The following EFHB variants were observed in gnomAD, a reference collection of about 807,000 sequenced individuals.
The protein encoded by EFHB is EF-hand domain-containing family member B.
A neutral mutation model predicts 87.2 loss-of-function variants in EFHB; 91 were observed. The ratio of observed to expected loss-of-function variants is 1.04; its 90% CI spans 0.88 to 1.24. The LOEUF (loss-of-function observed/expected upper bound fraction) is 1.24, where lower values mean the gene tolerates loss of function less well. Among genes scored for constraint, EFHB ranks in the 50% most tolerant of loss-of-function variants. EFHB has a pLI of 0.00. For synonymous variants in EFHB, 325 were observed against 333.6 expected, an observed-to-expected ratio of 0.97 and a Z score of 0.28; for missense variants, 1,084 against 998.8, an observed-to-expected ratio of 1.09 and a Z score of -1.15.
chr3:19,945,429 G>A (rs1696250413), intron 1 of EFHB, among the ~76,000 whole-genome samples: 1 of 152,192 alleles, frequency 6.6e-6, no homozygotes, highest in Non-Finnish European at 1.5e-5. Context: ...TGGACCAGGT[G>A]TTGGGATTAG....
At chr3:19,896,442 T>C (rs1694482988) in intron 9 of EFHB, 1 of 556,198 alleles carries the variant, frequency 1.8e-6, no homozygotes, top group Non-Finnish European at 3.2e-6. Flanking sequence ...GTAAATATTT[T>C]AGGTTTTGAA....
At chr3:19,927,529 T>G (rs566032587) in intron 1 of EFHB, among the ~76,000 whole-genome samples, 2 of 152,290 alleles carry the variant, frequency 1.3e-5, no homozygotes, top group South Asian at 4.1e-4. Flanking sequence ...AAACACCAAC[T>G]TTGGGCAGCA....
chr3:19,892,855 C>CTAAAAGAAAATAAAATAAAA (rs1694347063), intron 9 of EFHB, among the ~76,000 whole-genome samples: 1 of 136,922 alleles, frequency 7.3e-6, no homozygotes, highest in African/African-American at 3.2e-5. Context: ...AATCTCATCT[C>CTAAAAGAAAATAAAATAAAA]TAAAATAAAA....
Position 19,934,009 on chromosome 3 carries a change from C to G in EFHB, c.10G>C (p.Glu4Gln), listed in dbSNP as rs374524599. The change falls in exon 1 of 13, where the codon GAG (glutamate) becomes CAG (glutamine). Residue 4 changes from glutamate to glutamine, a missense_variant. By Grantham distance (29) the Glu-to-Gln change is conservative. Transcript: ENST00000295824. ...TTTCCTTCGTGGGGATGTCCAATCT[C>G]CATGTTCATGGACGATTTCTCCCCA... MNM[E>Q]IGHPHEGKDD... 1 of 1,601,836 alleles carries G rather than the reference C, an allele frequency of 6.2e-7. No homozygotes were observed. The highest frequency in any genetic ancestry group is 1.1e-5 in the South Asian group (1 of 89,802).
intron 6 of EFHB, among the ~76,000 whole-genome samples, chr3:19,902,644 G>T: frequency 6.6e-6 from 1 of 151,956 alleles, no homozygotes; most frequent in East Asian, 1.9e-4. Flanking sequence ...GAGCCACCAT[G>T]CCCAGCCAAT....
At position 19,933,382 on chromosome 3, in the gene EFHB, C is replaced by T; in HGVS notation, c.637G>A (p.Gly213Ser). Residue 213 changes from glycine (G) to serine (S), a missense_variant, in exon 1 of 13, where the codon GGC (glycine) becomes AGC (serine). Coordinates refer to ENST00000295824, the MANE Select transcript of EFHB (RefSeq NM_144715.4). ...DETKNTEPQMGLVIEPPQCQF... is the reference protein window; with the variant it reads ...DETKNTEPQMSLVIEPPQCQF... ...CATTGGGGAGGTTCTATCACCAAGC[C>T]CATTTGGGGCTCTGTATTCTTAGTC... The T allele has an allele frequency of 6.2e-7, 1 of 1,613,968 alleles. No individual in the cohort carries two copies. Among genetic ancestry groups the T allele is most frequent in the East Asian group, 2.2e-5 (1 of 44,878 alleles).
intron 9 of EFHB, among the ~76,000 whole-genome samples, chr3:19,892,124 T>C (rs914891270): frequency 1.3e-5 from 2 of 152,166 alleles, no homozygotes; most frequent in East Asian, 3.9e-4. Context: ...GTAGGGCCCA[T>C]AAAGTTAAGT....
chr3:19,879,671 A>T lies in EFHB; in HGVS notation c.2462T>A (p.Leu821Gln). 6 of 1,605,370 alleles carry T rather than the reference A, an allele frequency of 3.7e-6. No individual in the cohort carries two copies. The highest frequency in any genetic ancestry group is 5.1e-6 in the Non-Finnish European group (6 of 1,177,510). ...VENIRNVLDE[L>Q]RHADRIKCKT... The stretch of plus-strand genomic sequence containing the variant: ...ACACTTGATCCGGTCTGCATGCCGT[A>T]GCTCATCTAGAACATTTCTGATGTT... The change falls in exon 13 of 13, where the codon CTA (leucine) becomes CAA (glutamine). Residue 821 changes from leucine to glutamine, a missense_variant. Coordinates refer to ENST00000295824, the MANE Select transcript of EFHB (RefSeq NM_144715.4).
At position 19,888,302 on chromosome 3, in the gene EFHB, G is replaced by T. The variant is rs1001290013; in HGVS notation, c.1933+142C>A. The T allele has an allele frequency of 1.6e-4, 49 of 314,084 alleles. 1 individual carries two copies. The East Asian group carries it at 2.6e-3, about 17-fold the overall frequency. 19.5% of individuals were successfully genotyped at this position (314,084 alleles called of 1,614,324 possible). A position where few individuals can be genotyped will look rare whatever the true frequency, so the allele number is the denominator to read the frequency against. ...AGCACTTTGGGAGGCCAAAGCAAGA[G>T]AATCCCTTGAACCCAGGAGTTCAAG... On this transcript the variant is annotated intron_variant, in intron 10 of 12. Transcript: ENST00000295824.
Position 19,888,429 on chromosome 3 carries a change from T to G in EFHB, c.1933+15A>C. On this transcript the variant is annotated intron_variant, in intron 10 of 12. Transcript: ENST00000295824. ...AAAAAAATAATAATTCATCAAACCT[T>G]CAAAAATTAAATACCTTTAATAATG... The G allele has an allele frequency of 7.6e-7, 1 of 1,315,314 alleles. No individual in the cohort carries two copies. The highest frequency in any genetic ancestry group is 1.0e-6 in the Non-Finnish European group (1 of 1,004,710). The allele number at this position is 1,315,314 out of a possible 1,614,324, so 81.5% of individuals were successfully genotyped here.
rs1184031940 is a variant in EFHB, at chr3:19,908,594, GAGAGAGAAAGAAAGAAAGAA to G, written c.1289-2865_1289-2846del. 3.8e-4 allele frequency among the ~76,000 whole-genome samples: 35 copies of G among 91,404 alleles called. No homozygotes were observed. In the Middle Eastern group the frequency reaches 0.015, roughly 40 times the overall value. The allele number at this position is 91,404 out of a possible 152,430, so 60.0% of individuals were successfully genotyped here. On this transcript the variant is annotated intron_variant, in intron 5 of 12. Coordinates refer to ENST00000295824, the MANE Select transcript of EFHB (RefSeq NM_144715.4). The stretch of plus-strand genomic sequence containing the variant: ...AGAGAGAGAGAGAGAGAGAGAGAGA[GAGAGAGAAAGAAAGAAAGAA>G]AGAAAGAAAGAAAGAAAGAAAGAAA...
At chr3:19,890,664 C>T (rs1694275323) in intron 9 of EFHB, among the ~76,000 whole-genome samples, 1 of 147,676 alleles carries the variant, frequency 6.8e-6, no homozygotes, top group Non-Finnish European at 1.5e-5. Flanking sequence ...CTTTGGGACC[C>T]CATAACCCTA....
chr3:19,902,835 A>T (rs1349580182), intron 6 of EFHB, among the ~76,000 whole-genome samples: 1 of 152,212 alleles, frequency 6.6e-6, no homozygotes, highest in African/African-American at 2.4e-5. Context: ...CAACCAAAAG[A>T]ATAAAGAATT....
At chr3:19,939,424 G>A (rs1478788207) in intron 1 of EFHB, among the ~76,000 whole-genome samples, 14 of 112,366 alleles carry the variant, frequency 1.2e-4, no homozygotes, top group South Asian at 3.0e-4. Context: ...ACTCTGTCGC[G>A]CCCAGGCTGG....
rs532992486 is a variant in EFHB, at chr3:19,885,176, C to T, written c.1934-561G>A. On this transcript the variant is annotated intron_variant, in intron 10 of 12. Coordinates refer to ENST00000295824, the MANE Select transcript of EFHB (RefSeq NM_144715.4). ...GGCAATGGTTGCAGTGAGCCGAGAT[C>T]GCGCCATTGCACTCCAGCCTGGAGG... Among the ~76,000 whole-genome samples the T allele has an allele frequency of 6.0e-5, 9 of 150,878 alleles. No individual in the cohort carries two copies. The South Asian group carries it at 1.9e-3, about 31-fold the overall frequency.
chr3:19,908,653 A>G (rs866470614), intron 5 of EFHB, among the ~76,000 whole-genome samples: 1 of 151,238 alleles, frequency 6.6e-6, no homozygotes, highest in Non-Finnish European at 1.5e-5. Context: ...AGAAAGAAAG[A>G]AAAAGAAAGT....
In EFHB at chr3:19,886,888, T is replaced by C. The variant is rs547344462; in HGVS notation, c.1933+1556A>G. Among the ~76,000 whole-genome samples the C allele has an allele frequency of 2.6e-5, 4 of 152,210 alleles. No homozygotes were observed. The South Asian group carries it at 8.3e-4, about 32-fold the overall frequency. ...AATAGAGTTACTTCTGAGACAATAA[T>C]AACATTCATAAGAAATGAGAAATAA... On this transcript the variant is annotated intron_variant, in intron 10 of 12. Coordinates refer to ENST00000295824, the MANE Select transcript of EFHB (RefSeq NM_144715.4).
rs1241972855 is a variant in EFHB, at chr3:19,933,965, C to G, written c.54G>C (p.Lys18Asn). The change falls in exon 1 of 13, where the codon AAG becomes AAC. Residue 18 changes from lysine to asparagine, a missense_variant. By Grantham distance (94) the Lys-to-Asn change is moderately conservative. Coordinates refer to ENST00000295824, the MANE Select transcript of EFHB (RefSeq NM_144715.4). The stretch of plus-strand genomic sequence containing the variant: ...GAAATTTTGTTCCCATGATGACCCT[C>G]TTGTCTCCTAAATCATCCTTTCCTT... Reference protein sequence around the residue: ...PHEGKDDLGDKRVIMGTKFPM... With the variant: ...PHEGKDDLGDNRVIMGTKFPM... The G allele has an allele frequency of 6.2e-7, 1 of 1,613,250 alleles. No homozygotes were observed. The highest frequency in any genetic ancestry group is 1.7e-5 in the Admixed American group (1 of 59,876).
intron 4 of EFHB, among the ~76,000 whole-genome samples, chr3:19,917,437 T>C (rs981700727): frequency 3.9e-5 from 6 of 152,098 alleles, no homozygotes; most frequent in Non-Finnish European, 7.3e-5. Flanking sequence ...CTAATGAGCC[T>C]TTCGGTGAAC....
Sources: allele counts gnomAD v4.1 joint callset (sites outside exome capture counted in the v4.1 genomes callset), GRCh38; gene constraint gnomAD v4.1.1; transcripts MANE v1.5; gene names NCBI Gene and HGNC (gene_info 2026-07-23, HGNC 2026-07-21).